The following NTM variants were observed in gnomAD, a reference collection of about 807,000 sequenced individuals.
NTM encodes neurotrimin, also known as IgLON family member 2.
Under a neutral mutation model 42.1 loss-of-function variants are expected in NTM, and 13 were observed. The ratio of observed to expected loss-of-function variants is 0.31; its 90% CI spans 0.20 to 0.49. The LOEUF (loss-of-function observed/expected upper bound fraction) is 0.49. Among genes scored for constraint, NTM ranks in the 20% least tolerant of loss-of-function variants. The pLI, the probability that NTM is intolerant of heterozygous loss-of-function variation, is 0.99. For missense variants in NTM, 373 were observed against 452.8 expected (o/e 0.82, Z 1.60); for synonymous variants, 187 against 179.2 (o/e 1.04, Z -0.35).
rs577647706 is a variant in NTM, at chr11:132,262,825, C to T, written c.527-44864C>T. 3.3e-5 allele frequency among the ~76,000 whole-genome samples: 5 copies of T among 152,328 alleles called. No individual in the cohort carries two copies. In the South Asian group the frequency reaches 1.0e-3, roughly 32 times the overall value. On this transcript the variant is annotated intron_variant, in intron 4 of 8. Transcript: ENST00000683400. ...CAACAGCCTCAAAAGTCTTAACTCG[C>T]TCCAGAATGAACTCTAAAGTCCAAA... is the stretch of plus-strand genomic sequence containing the variant.
At chr11:131,471,320 G>T (rs975701204) in intron 1 of NTM, among the ~76,000 whole-genome samples, 6 of 152,190 alleles carry the variant, frequency 3.9e-5, no homozygotes, top group Non-Finnish European at 8.8e-5. Flanking sequence ...CATTCAACCA[G>T]TTTTTACGGA....
intron 1 of NTM, among the ~76,000 whole-genome samples, chr11:131,545,571 G>A (rs1031226075): frequency 6.6e-6 from 1 of 152,152 alleles, no homozygotes; most frequent in Admixed American, 6.5e-5. Flanking sequence ...CTCTTTGCTA[G>A]GTTCTCAGAA....
intron 1 of NTM, among the ~76,000 whole-genome samples, chr11:131,716,879 C>A (rs2077749905): frequency 6.6e-6 from 1 of 152,084 alleles, no homozygotes; most frequent in Non-Finnish European, 1.5e-5. Flanking sequence ...CTCATTATGT[C>A]ACCTAGTCTG....
chr11:131,688,132 G>A (rs904926528), intron 1 of NTM, among the ~76,000 whole-genome samples: 2 of 152,182 alleles, frequency 1.3e-5, no homozygotes, highest in African/African-American at 4.8e-5. Flanking sequence ...CGCAGATGCC[G>A]CGGGGGCGCG....
At chr11:131,621,939 T>G (rs1033283556) in intron 1 of NTM, among the ~76,000 whole-genome samples, 1 of 151,738 alleles carries the variant, frequency 6.6e-6, no homozygotes, top group Non-Finnish European at 1.5e-5. Flanking sequence ...AAGAACCATA[T>G]AGAATCAGGG....
At chr11:131,506,705 G>A (rs946702548) in intron 1 of NTM, among the ~76,000 whole-genome samples, 2 of 152,326 alleles carry the variant, frequency 1.3e-5, no homozygotes, top group Middle Eastern at 3.4e-3. Flanking sequence ...AGTTTGATGG[G>A]AAGGAGGCAG....
rs775284135 is a variant in NTM at position 132,299,690 on chromosome 11, C to G, written c.527-7999C>G. On this transcript the variant is annotated intron_variant, in intron 4 of 8. Transcript: ENST00000683400. ...TTAGAACAATTCAGCTGTCCCATTT[C>G]CCAGAGTTGGGCTCTATGTTTGTTA... Among the ~76,000 whole-genome samples, 216 of 152,276 alleles carry G rather than the reference C, an allele frequency of 1.4e-3. 4 individuals are homozygous for G. Among genetic ancestry groups the G allele is most frequent in the Admixed American group, 1.5e-3 (23 of 15,300 alleles).
intron 1 of NTM, among the ~76,000 whole-genome samples, chr11:131,546,507 A>C (rs761494062): frequency 6.6e-6 from 1 of 152,180 alleles, no homozygotes; most frequent in Non-Finnish European, 1.5e-5. Flanking sequence ...GTCAAAGTCA[A>C]CTATGTCATG....
intron 2 of NTM, among the ~76,000 whole-genome samples, chr11:132,049,517 AACACAC>A (rs2078545541): frequency 6.6e-6 from 1 of 152,196 alleles, no homozygotes; most frequent in African/African-American, 2.4e-5. Flanking sequence ...CAGCTCCTCC[AACACAC>A]ACTGGCTCTG....
chr11:131,846,700 G>GAAATGTATGT (rs1201794321), intron 1 of NTM, among the ~76,000 whole-genome samples: 1 of 152,042 alleles, frequency 6.6e-6, no homozygotes, highest in Non-Finnish European at 1.5e-5. Context: ...TGTGTACTTG[G>GAAATGTATGT]AAATGTATGT....
intron 2 of NTM, among the ~76,000 whole-genome samples, chr11:131,962,641 A>G (rs1164869364): frequency 6.6e-6 from 1 of 152,160 alleles, no homozygotes; most frequent in African/African-American, 2.4e-5. Flanking sequence ...GTCTATGGTA[A>G]TTTGTTACAG....
At chr11:131,886,458 G>T (rs1222133193) in intron 1 of NTM, among the ~76,000 whole-genome samples, 1 of 152,222 alleles carries the variant, frequency 6.6e-6, no homozygotes, top group East Asian at 1.9e-4. Context: ...TGCTGGGGCA[G>T]CAGTTCATTA....
chr11:131,836,378 A>G (rs1028196928), intron 1 of NTM, among the ~76,000 whole-genome samples: 4 of 152,168 alleles, frequency 2.6e-5, no homozygotes, highest in Non-Finnish European at 1.5e-5. Context: ...CTTGGATCTA[A>G]ATAGGGAATG....
In NTM at chr11:131,979,909, G is replaced by A. The variant is rs116654719; in HGVS notation, c.167+68261G>A. ...TATGTAGGGCCATTCTCTATAGGGA[G>A]CTCCTTGCTCTTTGCACATATTAAT... On this transcript the variant is annotated intron_variant, in intron 2 of 8. Coordinates refer to ENST00000683400, the MANE Select transcript of NTM (RefSeq NM_001352005.2). 3.6e-3 allele frequency among the ~76,000 whole-genome samples: 542 copies of A among 152,308 alleles called. 4 individuals are homozygous for A. Among genetic ancestry groups the A allele is most frequent in the African/African-American group, 0.013 (526 of 41,554 alleles).
intron 1 of NTM, among the ~76,000 whole-genome samples, chr11:131,773,457 T>C (rs1177239127): frequency 6.6e-6 from 1 of 152,230 alleles, no homozygotes; most frequent in Non-Finnish European, 1.5e-5. Context: ...TTTTAAAATT[T>C]TATTTATGAA....
chr11:131,624,368 G>A (rs532941094), intron 1 of NTM, among the ~76,000 whole-genome samples: 6 of 152,194 alleles, frequency 3.9e-5, no homozygotes, highest in Middle Eastern at 3.4e-3. Context: ...TCTCATTAGC[G>A]TCCTCATCTG....
intron 2 of NTM, among the ~76,000 whole-genome samples, chr11:131,968,050 G>A (rs2063062749): frequency 6.6e-6 from 1 of 152,058 alleles, no homozygotes; most frequent in African/African-American, 2.4e-5. Context: ...GCGAAACCAT[G>A]TGCCTACACG....
At chr11:131,633,766 C>CCTCTCTCTCTCTCTCTCTCTCT (rs1238243158) in intron 1 of NTM, among the ~76,000 whole-genome samples, 1 of 39,998 alleles carries the variant, frequency 2.5e-5, no homozygotes, top group African/African-American at 7.1e-5. Context: ...CCTCTCTCTC[C>CCTCTCTCTCTCTCTCTCTCTCT]CTCTCTCTCT....
At position 132,307,712 on chromosome 11, in the gene NTM, G is replaced by A. The variant is rs763747307; in HGVS notation, c.550G>A (p.Glu184Lys). The A allele has an allele frequency of 5.0e-6, 8 of 1,614,056 alleles. No homozygotes were observed. The highest frequency in any genetic ancestry group is 3.3e-5 in the South Asian group (3 of 91,078). Residue 184 changes from glutamate (E) to lysine (K), a missense_variant, in exon 5 of 9, where the codon GAA becomes AAA. By Grantham distance (56) the Glu-to-Lys change is moderately conservative. This residue lies in a region of NTM where 312 missense variants were observed against 353.5 expected (regional missense o/e 0.88). Transcript: ENST00000683400. ...PKAVGFVSED[E>K]YLEIQGITRE... ...AGCGGTTGGCTTTGTGAGTGAAGACGAATACTTGGAAATTCAGGGCATCAC... is the reference window on the plus strand; with the variant it reads ...AGCGGTTGGCTTTGTGAGTGAAGACAAATACTTGGAAATTCAGGGCATCAC...
Sources: allele counts gnomAD v4.1 joint callset (sites outside exome capture counted in the v4.1 genomes callset), GRCh38; gene constraint gnomAD v4.1.1; regional missense constraint gnomAD v4.1.1; transcripts MANE v1.5; gene names NCBI Gene and HGNC (gene_info 2026-07-23, HGNC 2026-07-21).